The following PPP3CA variants were observed in gnomAD, a reference collection of about 807,000 sequenced individuals.
PPP3CA encodes the protein CAM-PRP catalytic subunit.
In PPP3CA, 14 loss-of-function variants were observed where a neutral mutation model predicts 66.5. The observed-to-expected ratio is 0.21, with a 90% CI of 0.14 to 0.33. PPP3CA has a LOEUF of 0.33. Ranked by LOEUF, PPP3CA falls within the 10% of genes least tolerant of loss-of-function variation. The pLI is 1.00. For missense variants in PPP3CA, 317 were observed against 639.5 expected (o/e 0.50, Z 5.44); for synonymous variants, 232 against 226.2 (o/e 1.03, Z -0.23).
At chr4:101,181,555 T>C (rs1232616835) in intron 2 of PPP3CA, among the ~76,000 whole-genome samples, 2 of 152,240 alleles carry the variant, frequency 1.3e-5, no homozygotes, top group East Asian at 3.9e-4. Context: ...AATTTTTAAC[T>C]TTCCTCAAAT....
chr4:101,098,643 C>A, intron 4 of PPP3CA, 131 bp from the exon 5 acceptor site: 1 of 706,178 alleles, frequency 1.4e-6, no homozygotes, highest in Non-Finnish European at 2.2e-6. Flanking sequence ...TACAAAATTC[C>A]AAAACATAAT....
At chr4:101,212,601 A>G (rs1332995635) in intron 1 of PPP3CA, among the ~76,000 whole-genome samples, 1 of 152,134 alleles carries the variant, frequency 6.6e-6, no homozygotes, top group African/African-American at 2.4e-5. Context: ...CATCCTGCAC[A>G]TGTACCCCTA....
At chr4:101,049,581 G>C (rs1727921845) in intron 10 of PPP3CA, among the ~76,000 whole-genome samples, 1 of 152,058 alleles carries the variant, frequency 6.6e-6, no homozygotes, top group East Asian at 1.9e-4. Flanking sequence ...CATGGATGAG[G>C]ATATAACTGT....
chr4:101,057,636 A>G (rs957005914), intron 10 of PPP3CA, among the ~76,000 whole-genome samples: 2 of 152,188 alleles, frequency 1.3e-5, no homozygotes, highest in African/African-American at 4.8e-5. Context: ...AGAGGCATTC[A>G]GCATTCTCCT....
intron 1 of PPP3CA, among the ~76,000 whole-genome samples, chr4:101,299,364 A>G (rs911528051): frequency 9.9e-5 from 15 of 150,970 alleles, no homozygotes; most frequent in Admixed American, 5.3e-4. Flanking sequence ...GGACAATGAC[A>G]GAAGGTTTTT....
intron 1 of PPP3CA, among the ~76,000 whole-genome samples, chr4:101,335,202 A>AT (rs1006100539): frequency 6.6e-6 from 1 of 152,130 alleles, no homozygotes; most frequent in Non-Finnish European, 1.5e-5. Context: ...GGTCTCCTTC[A>AT]TATCTCAGTG....
chr4:101,154,016 G>GA (rs1723228968), intron 2 of PPP3CA, among the ~76,000 whole-genome samples: 1 of 151,940 alleles, frequency 6.6e-6, no homozygotes, highest in Middle Eastern at 3.4e-3. Flanking sequence ...ACTTTTAAAA[G>GA]AAAAAAATTT....
At chr4:101,108,163 T>C (rs1029826653) in intron 3 of PPP3CA, 1 of 152,202 alleles carries the variant, frequency 6.6e-6, no homozygotes, top group African/African-American at 2.4e-5. Flanking sequence ...CAAATTACCC[T>C]AGTTAGATGA....
At chr4:101,059,344 T>C (rs577805791) in intron 10 of PPP3CA, among the ~76,000 whole-genome samples, 6 of 152,266 alleles carry the variant, frequency 3.9e-5, no homozygotes, top group African/African-American at 1.4e-4. Flanking sequence ...ATATCCATTT[T>C]CCCCTTTCCT....
At chr4:101,081,114 A>AT (rs747231844) in intron 7 of PPP3CA, among the ~76,000 whole-genome samples, 38 of 152,250 alleles carry the variant, frequency 2.5e-4, no homozygotes, top group Non-Finnish European at 4.3e-4. Flanking sequence ...AGACTAAGTG[A>AT]TTTTAAGAAG....
intron 2 of PPP3CA, among the ~76,000 whole-genome samples, chr4:101,189,749 A>T (rs1276290805): frequency 6.6e-6 from 1 of 151,526 alleles, no homozygotes; most frequent in Non-Finnish European, 1.5e-5. Context: ...AAACAAAAAC[A>T]ACTCAGTTTA....
chr4:101,033,293 AACACACACACACACACACAC>A (rs70961772), intron 11 of PPP3CA, among the ~76,000 whole-genome samples: 8,085 of 139,362 alleles, frequency 0.058, 766 homozygotes, highest in African/African-American at 0.2. Context: ...CACACACACA[AACACACACACACACACACAC>A]ACACACACAC....
At chr4:101,117,342 A>G (rs1175046844) in intron 2 of PPP3CA, among the ~76,000 whole-genome samples, 4 of 151,842 alleles carry the variant, frequency 2.6e-5, no homozygotes, top group African/African-American at 7.2e-5. Flanking sequence ...ATACAATACC[A>G]TCATTATGAC....
intron 10 of PPP3CA, among the ~76,000 whole-genome samples, chr4:101,043,326 T>C (rs1422252397): frequency 6.6e-6 from 1 of 152,002 alleles, no homozygotes; most frequent in Non-Finnish European, 1.5e-5. Context: ...GGAAATAAAT[T>C]ATGTAAAGCT....
chr4:101,093,927 A>G lies in PPP3CA; in HGVS notation c.643-12T>C. 6.3e-7 allele frequency: 1 copy of G among 1,592,876 alleles called. No homozygotes were observed. The highest frequency in any genetic ancestry group is 8.5e-7 in the Non-Finnish European group (1 of 1,171,052). ...TTGAATCGGTCTAACTAAGAAAAAT[A>G]GAAGACAGAGAGCAAAATACTAATC... On this transcript the variant is annotated splice_polypyrimidine_tract_variant and intron_variant, in intron 5 of 13. Coordinates refer to ENST00000394854, the MANE Select transcript of PPP3CA (RefSeq NM_000944.5).
At chr4:101,212,875 A>T (rs1725341396) in intron 1 of PPP3CA, among the ~76,000 whole-genome samples, 1 of 152,084 alleles carries the variant, frequency 6.6e-6, no homozygotes, top group Admixed American at 6.6e-5. Context: ...GAGCTCCAAA[A>T]CATCTATGTT....
intron 2 of PPP3CA, among the ~76,000 whole-genome samples, chr4:101,158,831 A>C (rs373247839): frequency 6.6e-6 from 1 of 152,238 alleles, no homozygotes; most frequent in East Asian, 1.9e-4. Flanking sequence ...TAGTTAAAGC[A>C]TTTTAATCAG....
chr4:101,280,718 G>A (rs1313199265), intron 1 of PPP3CA, among the ~76,000 whole-genome samples: 3 of 151,688 alleles, frequency 2.0e-5, no homozygotes, highest in Non-Finnish European at 4.4e-5. Context: ...TACTTGGGAG[G>A]CTGAGGCTGG....
chr4:101,333,026 A>C (rs1729439217), intron 1 of PPP3CA, among the ~76,000 whole-genome samples: 1 of 151,864 alleles, frequency 6.6e-6, no homozygotes, highest in Non-Finnish European at 1.5e-5. Context: ...TCAAAAGTCT[A>C]TGATTCTATC....
Sources: allele counts gnomAD v4.1 joint callset (sites outside exome capture counted in the v4.1 genomes callset), GRCh38; gene constraint gnomAD v4.1.1; transcripts MANE v1.5; gene names NCBI Gene and HGNC (gene_info 2026-07-23, HGNC 2026-07-21).